Variants in LIPI observed in about 807,000 individuals in gnomAD.
The protein encoded by LIPI is lipase I.
A neutral mutation model predicts 50.6 loss-of-function variants in LIPI; 59 were observed. That is an observed-to-expected ratio of 1.16 (90% CI 0.94 to 1.45). LIPI has a LOEUF of 1.45. LIPI is among the 40% of genes most tolerant of loss of function. The pLI, the probability that LIPI is intolerant of heterozygous loss-of-function variation, is 0.00. For missense variants in LIPI, 586 were observed against 536.3 expected, an observed-to-expected ratio of 1.09 and a Z score of -0.92; for synonymous variants, 203 against 178.2, an observed-to-expected ratio of 1.14 and a Z score of -1.11.
chr21:14,154,106 T>G (rs191142934), intron 7 of LIPI, among the ~76,000 whole-genome samples: 17 of 151,684 alleles, frequency 1.1e-4, no homozygotes, highest in African/African-American at 3.9e-4. Context: ...CACAAATAGG[T>G]TTTTTTTAAT....
chr21:14,177,256 T>C (rs1256844529), intron 4 of LIPI, among the ~76,000 whole-genome samples: 1 of 152,076 alleles, frequency 6.6e-6, no homozygotes, highest in African/African-American at 2.4e-5. Context: ...CTAATATAGA[T>C]TTACCACCAT....
intron 9 of LIPI, among the ~76,000 whole-genome samples, chr21:14,114,372 G>A (rs1053310067): frequency 2.0e-5 from 3 of 152,118 alleles, no homozygotes; most frequent in African/African-American, 7.2e-5. Flanking sequence ...TAAGACTCCA[G>A]TGGCTCTAAC....
rs186443766 is a variant in LIPI at position 14,184,227 on chromosome 21, C to T, written c.541+1734G>A. ...CATTCTCAGCAAACTATCGCAAGGA[C>T]AAAAAACCAAACACCGCATGTTCTC... On this transcript the variant is annotated intron_variant, in intron 3 of 9. Coordinates refer to ENST00000681601, the MANE Select transcript of LIPI (RefSeq NM_001302998.2). 3.0e-3 allele frequency among the ~76,000 whole-genome samples: 462 copies of T among 151,854 alleles called. 2 individuals are homozygous for T. Among genetic ancestry groups the T allele is most frequent in the African/African-American group, 0.011 (446 of 41,382 alleles).
chr21:14,155,242 T>C (rs984405242), intron 7 of LIPI, among the ~76,000 whole-genome samples: 1 of 151,760 alleles, frequency 6.6e-6, no homozygotes. Flanking sequence ...TGAGTAGAGA[T>C]AATAAAAGAA....
intron 1 of LIPI, among the ~76,000 whole-genome samples, chr21:14,195,398 A>G (rs2019810796): frequency 6.6e-6 from 1 of 152,116 alleles, no homozygotes; most frequent in South Asian, 2.1e-4. Flanking sequence ...AGGGACATTC[A>G]GTAGGATCCC....
At chr21:14,203,857 A>AGAAT (rs375205232) in intron 1 of LIPI, among the ~76,000 whole-genome samples, 1 of 135,622 alleles carries the variant, frequency 7.4e-6, no homozygotes, top group African/African-American at 3.6e-5. Flanking sequence ...TAATAAAAAG[A>AGAAT]GAAAGAAAGA....
Position 14,189,218 on chromosome 21 carries a change from T to C in LIPI, c.248A>G (p.Tyr83Cys), listed in dbSNP as rs1473943127. The C allele has an allele frequency of 1.2e-6, 2 of 1,613,816 alleles. No individual in the cohort carries two copies. The highest frequency in any genetic ancestry group is 2.2e-5 in the East Asian group (1 of 44,878). The change falls in exon 2 of 10, where the codon TAC becomes TGC. Residue 83 changes from tyrosine to cysteine, a missense_variant. Tyr to Cys is a radical substitution (Grantham distance 194). Transcript: ENST00000681601. ...TAATGGGATGGAGCCTACTGGTCTG[T>C]ATCCGTGAATAAGCCAGACTGTTTT... Reference protein sequence around the residue: ...QKKTVWLIHGYRPVGSIPLWL... With the variant: ...QKKTVWLIHGCRPVGSIPLWL...
chr21:14,131,831 G>T (rs929452424), intron 9 of LIPI, among the ~76,000 whole-genome samples: 1 of 152,126 alleles, frequency 6.6e-6, no homozygotes, highest in South Asian at 2.1e-4. Flanking sequence ...ATCAATTCAG[G>T]ATATTAATGA....
At chr21:14,138,160 A>G (rs1387534295) in intron 9 of LIPI, among the ~76,000 whole-genome samples, 3 of 152,142 alleles carry the variant, frequency 2.0e-5, no homozygotes, top group Non-Finnish European at 4.4e-5. Flanking sequence ...TCCACAATAT[A>G]TTCATGTGAG....
At chr21:14,203,538 C>T (rs373564599) in intron 1 of LIPI, among the ~76,000 whole-genome samples, 3 of 152,048 alleles carry the variant, frequency 2.0e-5, no homozygotes, top group East Asian at 3.9e-4. Flanking sequence ...TTTGTAGGGA[C>T]ATGGATGAAG....
intron 9 of LIPI, among the ~76,000 whole-genome samples, chr21:14,117,445 G>C (rs2822409): frequency 0.48 from 72,789 of 152,052 alleles, 17,664 homozygotes; most frequent in South Asian, 0.54. Flanking sequence ...AGATGTCAAA[G>C]AGTATGCACA....
chr21:14,181,314 C>T (rs1042740327), intron 4 of LIPI, among the ~76,000 whole-genome samples: 6 of 152,140 alleles, frequency 3.9e-5, no homozygotes, highest in African/African-American at 1.4e-4. Context: ...TATTTCCTTA[C>T]ATTTAAGGAA....
chr21:14,115,632 A>G (rs1195770660), intron 9 of LIPI, among the ~76,000 whole-genome samples: 1 of 152,154 alleles, frequency 6.6e-6, no homozygotes, highest in Non-Finnish European at 1.5e-5. Context: ...TCTTGGCACC[A>G]CTGAGTAACA....
intron 8 of LIPI, among the ~76,000 whole-genome samples, 159 bp from the exon 9 acceptor site, chr21:14,144,958 C>A (rs568428439): frequency 6.6e-6 from 1 of 151,094 alleles, no homozygotes; most frequent in African/African-American, 2.4e-5. Context: ...TAATTAAAAC[C>A]GTAATTTATA....
intron 7 of LIPI, among the ~76,000 whole-genome samples, chr21:14,156,330 AGAG>A (rs2018268447): frequency 6.6e-6 from 1 of 151,902 alleles, no homozygotes; most frequent in African/African-American, 2.4e-5. Flanking sequence ...GGAAGACAAA[AGAG>A]GAGAATCAGA....
chr21:14,156,675 A>C (rs754405216), intron 7 of LIPI, among the ~76,000 whole-genome samples: 9 of 151,976 alleles, frequency 5.9e-5, no homozygotes, highest in Non-Finnish European at 8.8e-5. Flanking sequence ...TATAGCTATA[A>C]AAAACATATA....
chr21:14,118,841 G>T (rs1206249635), intron 9 of LIPI, among the ~76,000 whole-genome samples: 3 of 152,084 alleles, frequency 2.0e-5, no homozygotes, highest in Non-Finnish European at 4.4e-5. Context: ...CCAAGGGATT[G>T]CAAAACACTT....
Position 14,181,861 on chromosome 21 carries a change from T to C in LIPI, c.542-2A>G. The stretch of plus-strand genomic sequence containing the variant: ...ACCTTGGCCCAGCAGGGTCAAGACC[T>C]GGAAAGCAAGAAAGAAATAATCAGT... On this transcript the variant is annotated splice_acceptor_variant, in intron 3 of 9. Coordinates refer to ENST00000681601, the MANE Select transcript of LIPI (RefSeq NM_001302998.2). LOFTEE classifies it high-confidence loss of function. The C allele has an allele frequency of 6.4e-7, 1 of 1,567,468 alleles. No homozygotes were observed. Among genetic ancestry groups the C allele is most frequent in the South Asian group, 1.1e-5 (1 of 89,776 alleles).
intron 9 of LIPI, among the ~76,000 whole-genome samples, chr21:14,138,682 A>G (rs868115837): frequency 6.6e-6 from 1 of 152,202 alleles, no homozygotes; most frequent in Middle Eastern, 3.4e-3. Context: ...TGATTGCATA[A>G]CATTTAATAT....
Sources: allele counts gnomAD v4.1 joint callset (sites outside exome capture counted in the v4.1 genomes callset), GRCh38; gene constraint gnomAD v4.1.1; transcripts MANE v1.5; gene names NCBI Gene and HGNC (gene_info 2026-07-23, HGNC 2026-07-21).